PARD3: variants seen among roughly 807,000 people sequenced by gnomAD.
The protein encoded by PARD3 is par-3 family cell polarity regulator, also known as partitioning defective 3 homolog.
PARD3 carries 75 observed loss-of-function variants against 155.4 expected under a neutral mutation model. That is an observed-to-expected ratio of 0.48 (90% confidence interval 0.40 to 0.58). The LOEUF is 0.58. Among genes scored for constraint, PARD3 ranks in the 20% least tolerant of loss-of-function variants. The pLI, the probability that PARD3 is intolerant of heterozygous loss-of-function variation, is 0.00. For synonymous variants in PARD3, 576 were observed against 610.5 expected, an observed-to-expected ratio of 0.94 and a Z score of 0.83; for missense variants, 1,642 against 1,721.7, an observed-to-expected ratio of 0.95 and a Z score of 0.82.
chr10:34,181,331 A>C (rs1000909886), intron 22 of PARD3, among the ~76,000 whole-genome samples: 3 of 152,222 alleles, frequency 2.0e-5, no homozygotes, highest in Non-Finnish European at 4.4e-5. Context: ...GCTATGATCC[A>C]GTTAACAAAA....
At chr10:34,520,292 G>A (rs2133678902) in intron 2 of PARD3, among the ~76,000 whole-genome samples, 1 of 152,264 alleles carries the variant, frequency 6.6e-6, no homozygotes, top group Admixed American at 6.5e-5. Context: ...AGAATCAGCT[G>A]ATTAAACAAT....
chr10:34,754,605 T>G (rs909466120), intron 1 of PARD3, among the ~76,000 whole-genome samples: 1 of 152,226 alleles, frequency 6.6e-6, no homozygotes, highest in African/African-American at 2.4e-5. Flanking sequence ...ATACAATTGT[T>G]AAAAGCCACT....
chr10:34,718,459 A>C (rs2094555394), intron 1 of PARD3, among the ~76,000 whole-genome samples: 1 of 151,712 alleles, frequency 6.6e-6, no homozygotes, highest in Admixed American at 6.6e-5. Context: ...CAGGAGTTCA[A>C]GACCAGCTTG....
intron 14 of PARD3, among the ~76,000 whole-genome samples, chr10:34,357,913 T>A (rs868612161): frequency 6.6e-6 from 1 of 152,182 alleles, no homozygotes; most frequent in Non-Finnish European, 1.5e-5. Flanking sequence ...AAAATATGCT[T>A]GTATCATAGG....
chr10:34,593,672 T>G (rs925285319), intron 2 of PARD3, among the ~76,000 whole-genome samples: 2 of 152,206 alleles, frequency 1.3e-5, no homozygotes, highest in African/African-American at 4.8e-5. Flanking sequence ...CTTGAGATGA[T>G]TAATGTTTTA....
At chr10:34,230,022 T>C (rs1952836588) in intron 22 of PARD3, among the ~76,000 whole-genome samples, 1 of 152,130 alleles carries the variant, frequency 6.6e-6, no homozygotes. Context: ...ATTTATACAC[T>C]TGGGCAGCAA....
At chr10:34,282,104 A>G (rs1416993919) in intron 21 of PARD3, among the ~76,000 whole-genome samples, 2 of 141,052 alleles carry the variant, frequency 1.4e-5, no homozygotes, top group African/African-American at 6.2e-5. Flanking sequence ...TTAAAATACA[A>G]GTGCCAAACC....
At chr10:34,407,206 G>T (rs1055202711) in intron 5 of PARD3, among the ~76,000 whole-genome samples, 2 of 152,174 alleles carry the variant, frequency 1.3e-5, no homozygotes, top group African/African-American at 2.4e-5. Context: ...GCCTGCCAAG[G>T]GGGTGGAGGG....
intron 7 of PARD3, among the ~76,000 whole-genome samples, chr10:34,387,249 T>C (rs1331429628): frequency 2.6e-5 from 4 of 152,204 alleles, no homozygotes; most frequent in East Asian, 1.9e-4. Flanking sequence ...TAATCTAAAA[T>C]AGTCCATAGA....
chr10:34,442,231 C>A (rs946067517), intron 5 of PARD3, among the ~76,000 whole-genome samples: 2 of 152,038 alleles, frequency 1.3e-5, no homozygotes, highest in African/African-American at 4.8e-5. Context: ...ATTAACAAAC[C>A]CAAAAAACCC....
chr10:34,450,595 A>T (rs891871068), intron 4 of PARD3, 147 bp from the exon 5 acceptor site: 9 of 747,818 alleles, frequency 1.2e-5, no homozygotes, highest in Non-Finnish European at 1.9e-5. Context: ...GATTGAGGAC[A>T]TTCCACCCAG....
intron 22 of PARD3, among the ~76,000 whole-genome samples, chr10:34,252,335 T>C (rs945939137): frequency 7.2e-5 from 11 of 152,120 alleles, no homozygotes; most frequent in African/African-American, 2.7e-4. Flanking sequence ...TCCTAAGGAC[T>C]GAGGCTCCTG....
intron 22 of PARD3, among the ~76,000 whole-genome samples, chr10:34,230,894 G>A (rs1217884987): frequency 6.6e-6 from 1 of 151,922 alleles, no homozygotes; most frequent in Non-Finnish European, 1.5e-5. Context: ...TGGGCATTGG[G>A]GTGAGGATAC....
At position 34,777,712 on chromosome 10, in the gene PARD3, T is replaced by TTTTA. The variant is rs57712728; in HGVS notation, c.120+37163_120+37164insTAAA. On this transcript the variant is annotated intron_variant, in intron 1 of 24. Transcript: ENST00000374788. ...CAGTCAGCTAATTTTTTTTTTTTTTTAAGAGATGGGGGTTTTGCTTTGTTT... is the reference window on the plus strand; with the variant it reads ...CAGTCAGCTAATTTTTTTTTTTTTTTTTTAAAGAGATGGGGGTTTTGCTTTGTTT... Among the ~76,000 whole-genome samples the TTTTA allele has an allele frequency of 5.3e-3, 801 of 150,926 alleles. 5 individuals carry two copies. The highest frequency in any genetic ancestry group is 0.018 in the African/African-American group (760 of 41,124).
At chr10:34,558,941 G>A (rs762787847) in intron 2 of PARD3, among the ~76,000 whole-genome samples, 4 of 152,042 alleles carry the variant, frequency 2.6e-5, no homozygotes, top group Admixed American at 6.6e-5. Flanking sequence ...AGTGAGACCC[G>A]GTCTTGTAAG....
intron 1 of PARD3, among the ~76,000 whole-genome samples, chr10:34,753,173 A>C (rs1836282629): frequency 6.6e-6 from 1 of 152,158 alleles, no homozygotes; most frequent in South Asian, 2.1e-4. Context: ...GTACAAACGA[A>C]GTCTCTCTTC....
At chr10:34,199,080 T>C (rs1951088347) in intron 22 of PARD3, among the ~76,000 whole-genome samples, 1 of 152,034 alleles carries the variant, frequency 6.6e-6, no homozygotes, top group Admixed American at 6.6e-5. Flanking sequence ...AAGTGGACAT[T>C]ACATGGCAGG....
At chr10:34,417,498 C>A (rs1845785050) in intron 5 of PARD3, among the ~76,000 whole-genome samples, 1 of 151,926 alleles carries the variant, frequency 6.6e-6, no homozygotes, top group African/African-American at 2.4e-5. Context: ...ATGATTTTTT[C>A]TTATTTTTGA....
chr10:34,370,576 T>C (rs1840483288), intron 12 of PARD3, among the ~76,000 whole-genome samples: 1 of 152,148 alleles, frequency 6.6e-6, no homozygotes, highest in Non-Finnish European at 1.5e-5. Context: ...CCTGACTACA[T>C]GTTTCGAAAG....
Sources: allele counts gnomAD v4.1 joint callset (sites outside exome capture counted in the v4.1 genomes callset), GRCh38; gene constraint gnomAD v4.1.1; transcripts MANE v1.5; gene names NCBI Gene and HGNC (gene_info 2026-07-23, HGNC 2026-07-21).